The following DDX19B variants were observed in gnomAD, a reference collection of about 807,000 sequenced individuals.
DDX19B encodes the protein DEAD-box helicase 19B.
A neutral mutation model predicts 58.1 loss-of-function variants in DDX19B; 27 were observed. The observed-to-expected ratio is 0.46, with a 90% CI of 0.34 to 0.64. DDX19B has a LOEUF of 0.64. DDX19B is among the 30% of genes least tolerant of loss of function. The pLI is 0.01. For synonymous variants in DDX19B, 187 were observed against 214.4 expected, an observed-to-expected ratio of 0.87 and a Z score of 1.12; for missense variants, 399 against 596.5, an observed-to-expected ratio of 0.67 and a Z score of 3.45.
chr16:70,328,731 G>A (rs1237267482), intron 7 of DDX19B, among the ~76,000 whole-genome samples: 1 of 151,942 alleles, frequency 6.6e-6, no homozygotes, highest in Non-Finnish European at 1.5e-5. Flanking sequence ...TCAAATGCTA[G>A]ATCTTACTTA....
chr16:70,299,324 G>A lies in DDX19B; in HGVS notation c.27G>A (p.Ala9=). The part of the protein sequence containing the change: MATDSWAL[A]VDEQEAAAES... ...TGGCCACTGACTCATGGGCCCTGGCGGTGGACGAGCAGGAAGCTGCGGCTG... is the reference window on the plus strand; with the variant it reads ...TGGCCACTGACTCATGGGCCCTGGCAGTGGACGAGCAGGAAGCTGCGGCTG... The change falls in exon 1 of 12, where the codon GCG becomes GCA. Residue 9 remains alanine (A), a synonymous_variant. Transcript: ENST00000288071. 1 of 1,608,224 alleles carries A rather than the reference G, an allele frequency of 6.2e-7. No homozygotes were observed. The highest frequency in any genetic ancestry group is 8.5e-7 in the Non-Finnish European group (1 of 1,177,774).
At chr16:70,289,960 CG>C (rs1008706581), upstream of DDX19B, 9 of 325,790 alleles carry the variant, frequency 2.8e-5, no homozygotes, top group Non-Finnish European at 4.9e-5. Flanking sequence ...TACACTTGTC[CG>C]GGGGAGACCT....
intron 1 of DDX19B, among the ~76,000 whole-genome samples, chr16:70,308,608 A>C (rs1961905861): frequency 6.6e-6 from 1 of 151,462 alleles, no homozygotes; most frequent in South Asian, 2.1e-4. Flanking sequence ...ATGAGTTCCA[A>C]GGATCCTCCC....
At chr16:70,322,657 G>T (rs1962904167) in intron 5 of DDX19B, among the ~76,000 whole-genome samples, 1 of 150,812 alleles carries the variant, frequency 6.6e-6, no homozygotes, top group Non-Finnish European at 1.5e-5. Flanking sequence ...ACTTTGGGAG[G>T]CCCAAGGCAA....
rs1963390247 is a variant in DDX19B, at chr16:70,329,922, A to T, written c.877A>T (p.Asn293Tyr). The T allele has an allele frequency of 1.2e-6, 2 of 1,614,206 alleles. No individual in the cohort carries two copies. Among genetic ancestry groups the T allele is most frequent in the Non-Finnish European group, 1.7e-6 (2 of 1,180,040 alleles). Reference sequence around the variant, plus strand: ...TGCCCAGAAAGTGGTCCCAGACCCAAACGTTATCAAACTGAAGCGTGAGGA... The same window carrying T: ...TGCCCAGAAAGTGGTCCCAGACCCATACGTTATCAAACTGAAGCGTGAGGA... ...KFAQKVVPDP[N>Y]VIKLKREEET... The change falls in exon 9 of 12, where the codon AAC becomes TAC. Residue 293 changes from asparagine (N) to tyrosine (Y), a missense_variant. Asn to Tyr is a moderately radical substitution (Grantham distance 143). This residue lies in a region of DDX19B where 198 missense variants were observed against 345.9 expected (regional missense o/e 0.57). Transcript: ENST00000288071.
At chr16:70,316,408 C>T (rs1165061105) in intron 4 of DDX19B, among the ~76,000 whole-genome samples, 1 of 152,150 alleles carries the variant, frequency 6.6e-6, no homozygotes, top group Non-Finnish European at 1.5e-5. Context: ...TGGGGTTTCA[C>T]TATGTTGGCC....
At chr16:70,302,531 G>C (rs188424708) in intron 1 of DDX19B, among the ~76,000 whole-genome samples, 2 of 152,206 alleles carry the variant, frequency 1.3e-5, no homozygotes, top group African/African-American at 4.8e-5. Flanking sequence ...CTTCCACTTA[G>C]TATTATGCAT....
At chr16:70,290,518 T>TC (rs1961033035), upstream of DDX19B, among the ~76,000 whole-genome samples, 1 of 151,072 alleles carries the variant, frequency 6.6e-6, no homozygotes, top group Non-Finnish European at 1.5e-5. Flanking sequence ...GGAGCAAGAC[T>TC]CCGTCTCAAA....
intron 10 of DDX19B, 42 bp downstream of exon 10, chr16:70,331,926 G>A (rs927691590): frequency 6.2e-7 from 1 of 1,603,768 alleles, no homozygotes; most frequent in Non-Finnish European, 8.5e-7. Flanking sequence ...CAGGCTTGGG[G>A]TCCCAGGCCC....
rs1451344948 is a variant in DDX19B at position 70,334,201 on chromosome 16, G to A, written c.*619G>A. The stretch of plus-strand genomic sequence containing the variant: ...CATGGACCAAAATGCCAACCTCTCG[G>A]TTGTGTATATGGGTTTGTGTCACAG... On this transcript the variant is annotated 3_prime_UTR_variant, in exon 12 of 12. Coordinates refer to ENST00000288071, the MANE Select transcript of DDX19B (RefSeq NM_007242.7). 1 of 158,468 alleles carries A rather than the reference G, an allele frequency of 6.3e-6. No homozygotes were observed. The highest frequency in any genetic ancestry group is 2.4e-5 in the African/African-American group (1 of 41,392). 9.8% of individuals were successfully genotyped at this position (158,468 alleles called of 1,614,324 possible). A position where few individuals can be genotyped will look rare whatever the true frequency, so the allele number is the denominator to read the frequency against.
upstream of DDX19B, among the ~76,000 whole-genome samples, chr16:70,294,409 G>A (rs1227227473): frequency 2.0e-5 from 3 of 152,130 alleles, no homozygotes; most frequent in East Asian, 5.8e-4. Flanking sequence ...CAGGCTTCAG[G>A]CGATATCTAT....
upstream of DDX19B, among the ~76,000 whole-genome samples, chr16:70,293,597 A>T (rs867943282): frequency 2.6e-5 from 2 of 77,020 alleles, no homozygotes; most frequent in Admixed American, 1.8e-4. Flanking sequence ...GGATGGCTGA[A>T]TTTTTTTTTT....
chr16:70,292,977 C>T (rs981604346), upstream of DDX19B, among the ~76,000 whole-genome samples: 2 of 151,926 alleles, frequency 1.3e-5, no homozygotes, highest in African/African-American at 2.4e-5. Flanking sequence ...GTGGTGGCGG[C>T]CACCTGTAAT....
intron 1 of DDX19B, among the ~76,000 whole-genome samples, chr16:70,300,933 C>T (rs1423240917): frequency 6.6e-6 from 1 of 152,110 alleles, no homozygotes; most frequent in Non-Finnish European, 1.5e-5. Context: ...AACTGTCTTC[C>T]AGTTGTCTAA....
intron 1 of DDX19B, among the ~76,000 whole-genome samples, chr16:70,311,172 G>C (rs528481035): frequency 2.2e-4 from 33 of 151,870 alleles, no homozygotes; most frequent in Admixed American, 3.9e-4. Context: ...AGGAGATCAA[G>C]ACCATCCTGG....
At chr16:70,291,408 A>G (rs1961058683), upstream of DDX19B, among the ~76,000 whole-genome samples, 1 of 152,212 alleles carries the variant, frequency 6.6e-6, no homozygotes. Flanking sequence ...TATGAATTGT[A>G]CTTTCAGAAT....
At chr16:70,326,239 C>T (rs1483100776) in intron 7 of DDX19B, among the ~76,000 whole-genome samples, 4 of 152,190 alleles carry the variant, frequency 2.6e-5, no homozygotes, top group East Asian at 1.9e-4. Context: ...TTTGGGAGGC[C>T]GAGGCGGGCA....
At chr16:70,331,687 G>A in intron 9 of DDX19B, 35 bp from the exon 10 acceptor site, 1 of 1,603,558 alleles carries the variant, frequency 6.2e-7, no homozygotes, top group South Asian at 1.1e-5. Flanking sequence ...GTTTTTAACA[G>A]GTCTCTTCAT....
At chr16:70,295,030 G>A, upstream of DDX19B, 1 of 1,330,018 alleles carries the variant, frequency 7.5e-7, no homozygotes, top group Non-Finnish European at 9.6e-7. Context: ...TCGGCCCAAG[G>A]TCTTAGCCTT....
Sources: allele counts gnomAD v4.1 joint callset (sites outside exome capture counted in the v4.1 genomes callset), GRCh38; gene constraint gnomAD v4.1.1; regional missense constraint gnomAD v4.1.1; transcripts MANE v1.5; gene names NCBI Gene and HGNC (gene_info 2026-07-23, HGNC 2026-07-21).